The following MCF2L2 variants were observed in gnomAD, a reference collection of about 807,000 sequenced individuals.
The protein encoded by MCF2L2 is MCF.2 cell line derived transforming sequence-like 2.
Under a neutral mutation model 150.2 loss-of-function variants are expected in MCF2L2, and 102 were observed. The ratio of observed to expected loss-of-function variants is 0.68; its 90% CI spans 0.58 to 0.80. The LOEUF (loss-of-function observed/expected upper bound fraction) is 0.80, where lower values mean the gene tolerates loss of function less well. Among genes scored for constraint, MCF2L2 ranks in the 30% least tolerant of loss-of-function variants. The pLI, the probability that MCF2L2 is intolerant of heterozygous loss-of-function variation, is 0.00. For synonymous variants in MCF2L2, 465 were observed against 491.3 expected (o/e 0.95, Z 0.71); for missense variants, 1,256 against 1,372.8 (o/e 0.91, Z 1.34).
At chr3:183,422,789 T>C (rs1217458357) in intron 1 of MCF2L2, among the ~76,000 whole-genome samples, 1 of 152,196 alleles carries the variant, frequency 6.6e-6, no homozygotes, top group Non-Finnish European at 1.5e-5. Flanking sequence ...ATTTGCTGCA[T>C]GCCCTTCAAA....
At chr3:183,321,450 A>AAAG (rs1553780531) in intron 6 of MCF2L2, among the ~76,000 whole-genome samples, 4 of 151,796 alleles carry the variant, frequency 2.6e-5, no homozygotes, top group African/African-American at 9.7e-5. Context: ...AAAAAAAAAA[A>AAAG]AAAGAAAGAA....
intron 13 of MCF2L2, 113 bp from the exon 14 acceptor site, chr3:183,289,333 T>A (rs1727986228): frequency 1.5e-6 from 1 of 674,834 alleles, no homozygotes; most frequent in African/African-American, 1.8e-5. Flanking sequence ...CTATAAAAGC[T>A]CACTTGAGCT....
intron 3 of MCF2L2, among the ~76,000 whole-genome samples, chr3:183,366,284 C>T (rs1018499726): frequency 3.9e-5 from 6 of 152,158 alleles, no homozygotes; most frequent in Admixed American, 3.9e-4. Flanking sequence ...CCATTCCCAG[C>T]CAAACTACTG....
chr3:183,185,958 C>T (rs1331786951), intron 27 of MCF2L2, among the ~76,000 whole-genome samples: 1 of 152,040 alleles, frequency 6.6e-6, no homozygotes, highest in Non-Finnish European at 1.5e-5. Flanking sequence ...GCTCCTAAGG[C>T]AGTCTGAGCT....
chr3:183,367,630 T>C (rs539388999), intron 3 of MCF2L2, among the ~76,000 whole-genome samples: 5 of 152,222 alleles, frequency 3.3e-5, no homozygotes, highest in African/African-American at 7.2e-5. Flanking sequence ...CATTATATAA[T>C]AGGCAGAAGA....
chr3:183,360,905 G>T (rs1357991553), intron 3 of MCF2L2, among the ~76,000 whole-genome samples: 1 of 150,114 alleles, frequency 6.7e-6, no homozygotes, highest in Non-Finnish European at 1.5e-5. Flanking sequence ...GGAGGCAGAG[G>T]TTGCAGTGAG....
intron 22 of MCF2L2, among the ~76,000 whole-genome samples, chr3:183,212,225 T>A (rs1431604144): frequency 1.3e-5 from 2 of 152,152 alleles, no homozygotes; most frequent in Non-Finnish European, 2.9e-5. Flanking sequence ...TTTGGACGTC[T>A]AGCCGTCAAA....
intron 1 of MCF2L2, among the ~76,000 whole-genome samples, chr3:183,404,528 T>TA (rs1352279728): frequency 2.6e-5 from 4 of 152,226 alleles, no homozygotes; most frequent in African/African-American, 7.2e-5. Context: ...ACTTCACACT[T>TA]ACACTCTCTA....
chr3:183,292,588 C>CAT (rs1001371933), intron 13 of MCF2L2, among the ~76,000 whole-genome samples: 4 of 150,908 alleles, frequency 2.7e-5, no homozygotes, highest in Non-Finnish European at 5.9e-5. Flanking sequence ...CACACACACA[C>CAT]ATGCACACAC....
chr3:183,280,006 G>A (rs1337140271), intron 14 of MCF2L2, among the ~76,000 whole-genome samples: 5 of 151,332 alleles, frequency 3.3e-5, no homozygotes, highest in East Asian at 3.9e-4. Context: ...CAGCCTGGGC[G>A]ACAGAGCAAG....
At chr3:183,273,091 TA>T in intron 15 of MCF2L2, 1 of 1,395,450 alleles carries the variant, frequency 7.2e-7, no homozygotes. Context: ...TCCAACCTTT[TA>T]AAAAAGAAGG....
At chr3:183,341,267 TAA>T (rs935927946) in intron 4 of MCF2L2, among the ~76,000 whole-genome samples, 1 of 152,202 alleles carries the variant, frequency 6.6e-6, no homozygotes, top group Non-Finnish European at 1.5e-5. Flanking sequence ...CCCCGGGCAT[TAA>T]CTTTCCAGCA....
intron 9 of MCF2L2, chr3:183,310,567 G>A (rs763753702): frequency 3.3e-6 from 1 of 299,672 alleles, no homozygotes; most frequent in South Asian, 2.8e-5. Context: ...GGAGGCTGAG[G>A]TGGGAGGATA....
At chr3:183,400,469 ACACTTCATGCAC>A (rs1376128000) in intron 1 of MCF2L2, 1 of 456,548 alleles carries the variant, frequency 2.2e-6, no homozygotes, top group Non-Finnish European at 4.4e-6. Context: ...CTTGCTGCTC[ACACTTCATGCAC>A]CAGACCACGA....
intron 3 of MCF2L2, among the ~76,000 whole-genome samples, chr3:183,348,093 CA>C (rs1473275773): frequency 6.6e-6 from 1 of 152,136 alleles, no homozygotes; most frequent in Non-Finnish European, 1.5e-5. Context: ...TATAAAGACA[CA>C]TGCACAAGTA....
At chr3:183,190,796 G>T (rs973894577) in intron 27 of MCF2L2, among the ~76,000 whole-genome samples, 4 of 152,368 alleles carry the variant, frequency 2.6e-5, no homozygotes, top group African/African-American at 9.6e-5. Context: ...GGGGCCAACA[G>T]CCTATAAAGA....
intron 6 of MCF2L2, among the ~76,000 whole-genome samples, chr3:183,319,239 T>TA (rs1250749188): frequency 1.4e-4 from 21 of 152,312 alleles, no homozygotes; most frequent in African/African-American, 4.8e-4. Context: ...TGCTCATCCG[T>TA]AAAAAACTGT....
chr3:183,219,949 G>A lies in MCF2L2; in HGVS notation c.2302-25C>T, dbSNP rs199623432. ...CCTGCATTAACCCAAAAGTCTTGTTGAAAATTAAAATGTACATTGCCATCA... is the reference window on the plus strand; with the variant it reads ...CCTGCATTAACCCAAAAGTCTTGTTAAAAATTAAAATGTACATTGCCATCA... On this transcript the variant is annotated intron_variant, in intron 20 of 29. Coordinates refer to ENST00000328913, the MANE Select transcript of MCF2L2 (RefSeq NM_015078.4). The A allele has an allele frequency of 5.7e-6, 9 of 1,571,342 alleles. No individual in the cohort carries two copies. In the East Asian group the frequency reaches 1.8e-4, roughly 31 times the overall value.
chr3:183,417,138 A>AAAAT (rs1715639390), intron 1 of MCF2L2, among the ~76,000 whole-genome samples: 1 of 148,766 alleles, frequency 6.7e-6, no homozygotes. Context: ...AAAAAAAAAA[A>AAAAT]AAAAAAATGG....
Sources: allele counts gnomAD v4.1 joint callset (sites outside exome capture counted in the v4.1 genomes callset), GRCh38; gene constraint gnomAD v4.1.1; transcripts MANE v1.5; gene names NCBI Gene and HGNC (gene_info 2026-07-23, HGNC 2026-07-21).